FRMPD4: variants seen among roughly 807,000 people sequenced by gnomAD.
FRMPD4 encodes FERM and PDZ domain-containing protein 4.
In FRMPD4, 22 loss-of-function variants were observed where a neutral mutation model predicts 94.1. The observed-to-expected ratio is 0.23, with a 90% CI of 0.17 to 0.33. The LOEUF (loss-of-function observed/expected upper bound fraction) is 0.33. Among genes scored for constraint, FRMPD4 ranks in the 10% least tolerant of loss-of-function variants. The probability of loss-of-function intolerance (pLI) is 1.00; values close to 1 mark genes in which losing one functional copy is unlikely to be tolerated. For synonymous variants in FRMPD4, 631 were observed against 548.6 expected (o/e 1.15, Z -2.10); for missense variants, 1,111 against 1,339.9 (o/e 0.83, Z 2.67).
chrX:12,033,957 A>G (rs2054706311), intron 3 of FRMPD4, among the ~76,000 whole-genome samples: 1 of 112,563 alleles, frequency 8.9e-6, no homozygotes, highest in Non-Finnish European at 1.9e-5. Context: ...TCGGCCTCCC[A>G]AAGTGCTGGG....
At chrX:12,019,634 G>A (rs996675060) in intron 3 of FRMPD4, among the ~76,000 whole-genome samples, 7 of 109,724 alleles carry the variant, frequency 6.4e-5, no homozygotes, top group African/African-American at 2.3e-4. Context: ...CAACTGGACT[G>A]CTCACTTTTT....
At chrX:12,039,815 C>T (rs995912972) in intron 3 of FRMPD4, among the ~76,000 whole-genome samples, 1 of 108,755 alleles carries the variant, frequency 9.2e-6, no homozygotes, top group Non-Finnish European at 1.9e-5. Context: ...ACTAAAAATA[C>T]AAAATTAGTT....
intron 3 of FRMPD4, among the ~76,000 whole-genome samples, chrX:12,119,694 G>A (rs2055438760): frequency 8.9e-6 from 1 of 112,489 alleles, no homozygotes; most frequent in Non-Finnish European, 1.9e-5. Flanking sequence ...GGCGAAGCAG[G>A]GATATATTCA....
chrX:11,909,530 T>C (rs143948627), intron 3 of FRMPD4, among the ~76,000 whole-genome samples: 2,408 of 110,819 alleles, frequency 0.022, 30 homozygotes, highest in African/African-American at 0.042. Flanking sequence ...TTCTGTTTCA[T>C]TGATTTTTGC....
intron 5 of FRMPD4, among the ~76,000 whole-genome samples, chrX:12,679,454 G>A (rs1368172314): frequency 1.8e-5 from 2 of 111,617 alleles, no homozygotes; most frequent in Non-Finnish European, 1.9e-5. Flanking sequence ...TTTATCGGGG[G>A]TCAGGGTGGA....
In FRMPD4 at chrX:12,473,285, GC is replaced by G. The variant is rs2057542173; in HGVS notation, c.42-25392del. 1.8e-5 allele frequency among the ~76,000 whole-genome samples: 2 copies of G among 109,699 alleles called. 1 individual carries two copies. The highest frequency in any genetic ancestry group is 6.9e-5 in the African/African-American group (2 of 28,886). On this transcript the variant is annotated intron_variant, in intron 1 of 16. Transcript: ENST00000675598. The stretch of plus-strand genomic sequence containing the variant: ...TGCTGATTTTGTCACCACCAGCCCT[GC>G]CCTGCCCTACAAGAGCTCCTGAAGG...
intron 1 of FRMPD4, among the ~76,000 whole-genome samples, chrX:12,488,211 T>C (rs1267258706): frequency 9.0e-6 from 1 of 111,713 alleles, no homozygotes; most frequent in Non-Finnish European, 1.9e-5. Flanking sequence ...CTCAAACATG[T>C]TTTTGATAGA....
In FRMPD4 at chrX:12,451,733, CGTGTGTGT is replaced by C. The variant is rs72300557; in HGVS notation, c.42-46923_42-46916del. Among the ~76,000 whole-genome samples, 353 of 98,827 alleles carry C rather than the reference CGTGTGTGT, an allele frequency of 3.6e-3. 1 individual carries two copies. The highest frequency in any genetic ancestry group is 0.012 in the African/African-American group (325 of 27,343). The allele number at this position is 98,827 out of a possible 115,157, so 85.8% of individuals were successfully genotyped here. On this transcript the variant is annotated intron_variant, in intron 1 of 16. Coordinates refer to ENST00000675598, the MANE Select transcript of FRMPD4 (RefSeq NM_001368397.1). ...ACCCTCAGTGATATGTGTGTATGCC[CGTGTGTGT>C]GTGTGTGTGTGTGTGTGTGTGTGAA...
chrX:12,212,604 A>G (rs1265185817), intron 1 of FRMPD4, among the ~76,000 whole-genome samples: 1 of 111,694 alleles, frequency 9.0e-6, no homozygotes, highest in East Asian at 2.8e-4. Context: ...AACTTGTTCA[A>G]ATTCCTGTAA....
At chrX:12,540,271 A>C (rs6641035) in intron 2 of FRMPD4, among the ~76,000 whole-genome samples, 2 of 110,373 alleles carry the variant, frequency 1.8e-5, no homozygotes, top group Admixed American at 1.9e-4. Context: ...GGCTAAATGC[A>C]CCAATTAAAA....
chrX:12,487,666 A>G (rs1287075301), intron 1 of FRMPD4, among the ~76,000 whole-genome samples: 3 of 112,122 alleles, frequency 2.7e-5, no homozygotes, highest in Admixed American at 9.4e-5. Context: ...AGATACTGAG[A>G]AATCTAGTGA....
At chrX:12,218,753 G>C (rs952720692) in intron 1 of FRMPD4, among the ~76,000 whole-genome samples, 1 of 112,075 alleles carries the variant, frequency 8.9e-6, no homozygotes, top group African/African-American at 3.2e-5. Flanking sequence ...CTATGCCCCA[G>C]GTTCTGAAAG....
chrX:12,294,104 C>CA (rs2054732447), intron 1 of FRMPD4, among the ~76,000 whole-genome samples: 1 of 110,912 alleles, frequency 9.0e-6, no homozygotes, highest in Non-Finnish European at 1.9e-5. Context: ...GTCTATTATT[C>CA]AAAAAAGCTA....
At chrX:12,227,511 G>C (rs1467242184) in intron 1 of FRMPD4, among the ~76,000 whole-genome samples, 1 of 111,897 alleles carries the variant, frequency 8.9e-6, no homozygotes, top group East Asian at 2.8e-4. Flanking sequence ...ATTGAGAATG[G>C]CTTTTGTGGC....
At chrX:12,469,860 G>T (rs1017382454) in intron 1 of FRMPD4, among the ~76,000 whole-genome samples, 3 of 112,420 alleles carry the variant, frequency 2.7e-5, no homozygotes, top group Non-Finnish European at 5.6e-5. Flanking sequence ...ACATCCAAAG[G>T]TGTCTCACCT....
intron 3 of FRMPD4, among the ~76,000 whole-genome samples, chrX:11,883,220 C>T (rs2053823756): frequency 8.9e-6 from 1 of 111,768 alleles, no homozygotes; most frequent in Non-Finnish European, 1.9e-5. Context: ...CGGTGAAGAG[C>T]AGTCTGGGCT....
intron 1 of FRMPD4, among the ~76,000 whole-genome samples, chrX:12,463,031 A>G (rs945782988): frequency 1.2e-4 from 13 of 112,173 alleles, no homozygotes; most frequent in African/African-American, 4.2e-4. Context: ...ACAATCATCA[A>G]TGGAAGAGCA....
At chrX:12,401,395 A>G (rs1330546846) in intron 1 of FRMPD4, among the ~76,000 whole-genome samples, 2 of 109,689 alleles carry the variant, frequency 1.8e-5, no homozygotes, top group African/African-American at 6.7e-5. Context: ...TTCTCCATGC[A>G]GATGCTGGTT....
chrX:12,073,760 G>A (rs757494877), intron 3 of FRMPD4, among the ~76,000 whole-genome samples: 33 of 112,258 alleles, frequency 2.9e-4, no homozygotes, highest in Admixed American at 1.9e-4. Context: ...TTTTAGAAAG[G>A]GGATCTTGCT....
Sources: allele counts gnomAD v4.1 joint callset (sites outside exome capture counted in the v4.1 genomes callset), GRCh38; gene constraint gnomAD v4.1.1; transcripts MANE v1.5; gene names NCBI Gene and HGNC (gene_info 2026-07-23, HGNC 2026-07-21).